TGFBR3: variants seen among roughly 807,000 people sequenced by gnomAD.
TGFBR3 encodes the protein transforming growth factor beta receptor type 3.
Under a neutral mutation model 87.9 loss-of-function variants are expected in TGFBR3, and 46 were observed. The ratio of observed to expected loss-of-function variants is 0.52; its 90% CI spans 0.41 to 0.67. TGFBR3 has a LOEUF of 0.67. Ranked by LOEUF, TGFBR3 falls within the 30% of genes least tolerant of loss-of-function variation. The probability of loss-of-function intolerance (pLI) is 0.00; values close to 1 mark genes in which losing one functional copy is unlikely to be tolerated. For missense variants in TGFBR3, 866 were observed against 1,041.9 expected (o/e 0.83, Z 2.32); for synonymous variants, 381 against 391.6 (o/e 0.97, Z 0.32).
chr1:91,885,182 C>T (rs1679245732), intron 1 of TGFBR3, among the ~76,000 whole-genome samples: 2 of 152,246 alleles, frequency 1.3e-5, no homozygotes, highest in African/African-American at 2.4e-5. Context: ...CTAAGTTCTA[C>T]TTTGCCAAGG....
chr1:91,682,161 C>T lies in TGFBR3; in HGVS notation c.*1578G>A, dbSNP rs1318937553. ...CACATACTTGTTTCCCATGTAGACA[C>T]TGCCCTAAGGTTTTAAGCTTCATCA... On this transcript the variant is annotated 3_prime_UTR_variant, in exon 17 of 17. Transcript: ENST00000212355. 2 of 453,920 alleles carry T rather than the reference C, an allele frequency of 4.4e-6. No homozygotes were observed. Among genetic ancestry groups the T allele is most frequent in the South Asian group, 3.1e-5 (2 of 64,474 alleles). 28.1% of individuals were successfully genotyped at this position (453,920 alleles called of 1,614,324 possible).
chr1:91,879,433 A>T (rs1364308740), intron 1 of TGFBR3, among the ~76,000 whole-genome samples: 1 of 152,124 alleles, frequency 6.6e-6, no homozygotes, highest in Non-Finnish European at 1.5e-5. Context: ...ACACCAAAAA[A>T]TTATCTTCAG....
intron 1 of TGFBR3, chr1:91,862,046 G>A (rs1678223589): frequency 1.1e-5 from 2 of 181,816 alleles, no homozygotes; most frequent in Non-Finnish European, 2.3e-5. Context: ...AGTAGAGATG[G>A]GGTTTCACCA....
intron 3 of TGFBR3, among the ~76,000 whole-genome samples, chr1:91,776,293 C>T (rs1048310174): frequency 6.6e-6 from 1 of 152,358 alleles, no homozygotes; most frequent in Middle Eastern, 3.4e-3. Context: ...GGGGTCAGGA[C>T]TGCCAGTGCC....
rs1354776209 is a variant in TGFBR3, at chr1:91,870,400, T to C, written c.-113-8756A>G. Among the ~76,000 whole-genome samples the C allele has an allele frequency of 3.3e-5, 5 of 152,220 alleles. No individual in the cohort carries two copies. The East Asian group carries it at 9.6e-4, about 29-fold the overall frequency. ...TACTCCGACCCTTTAATTTTACAGATTAGCAAACCAAAAATTAGAAAGGCT... is the reference window on the plus strand; with the variant it reads ...TACTCCGACCCTTTAATTTTACAGACTAGCAAACCAAAAATTAGAAAGGCT... On this transcript the variant is annotated intron_variant, in intron 1 of 16. Transcript: ENST00000212355.
chr1:91,804,779 A>G (rs1571528346), intron 2 of TGFBR3, among the ~76,000 whole-genome samples: 1 of 152,094 alleles, frequency 6.6e-6, no homozygotes, highest in South Asian at 2.1e-4. Context: ...GTAGGCCCTC[A>G]CCGGCAGCCT....
At chr1:91,732,575 A>T (rs985619396) in intron 5 of TGFBR3, among the ~76,000 whole-genome samples, 2 of 152,190 alleles carry the variant, frequency 1.3e-5, no homozygotes, top group African/African-American at 4.8e-5. Context: ...TGGGGGATGA[A>T]GCTTGCTCAG....
intron 2 of TGFBR3, among the ~76,000 whole-genome samples, chr1:91,825,978 C>CAAAA (rs59220803): frequency 5.5e-4 from 81 of 148,412 alleles, no homozygotes; most frequent in Middle Eastern, 3.5e-3. Flanking sequence ...GACCCCATCT[C>CAAAA]AAAAAAAAAA....
chr1:91,865,797 A>T (rs774475771), intron 1 of TGFBR3, among the ~76,000 whole-genome samples: 7 of 152,028 alleles, frequency 4.6e-5, no homozygotes, highest in Non-Finnish European at 2.9e-5. Context: ...CTGTAGTCCC[A>T]GCTACTCGGG....
intron 2 of TGFBR3, among the ~76,000 whole-genome samples, chr1:91,825,937 T>A (rs1676616374): frequency 6.7e-6 from 1 of 148,532 alleles, no homozygotes; most frequent in Non-Finnish European, 1.5e-5. Flanking sequence ...GCCCAGATAG[T>A]GCCATTGCAC....
chr1:91,753,027 A>C (rs1673605914), intron 4 of TGFBR3, among the ~76,000 whole-genome samples: 1 of 145,438 alleles, frequency 6.9e-6, no homozygotes, highest in Admixed American at 6.9e-5. Flanking sequence ...ACCCTCTCTC[A>C]AAAAAAAAAA....
intron 2 of TGFBR3, among the ~76,000 whole-genome samples, chr1:91,848,879 CAA>C (rs1301460450): frequency 1.1e-4 from 17 of 152,270 alleles, no homozygotes; most frequent in Middle Eastern, 3.4e-3. Context: ...ATTCACAACA[CAA>C]AGAGATTTTC....
upstream of TGFBR3, among the ~76,000 whole-genome samples, chr1:91,888,929 TG>T (rs555102225): frequency 6.6e-6 from 1 of 151,914 alleles, no homozygotes; most frequent in South Asian, 2.1e-4. Flanking sequence ...CTGCCGAGGC[TG>T]GAGTGCAGTG....
In TGFBR3 at chr1:91,682,316, T is replaced by G; in HGVS notation, c.*1423A>C. 2.2e-6 allele frequency: 1 copy of G among 453,968 alleles called. No homozygotes were observed. 28.1% of individuals were successfully genotyped at this position (453,968 alleles called of 1,614,324 possible). A position where few individuals can be genotyped will look rare whatever the true frequency, so the allele number is the denominator to read the frequency against. ...TTCTACTTATGGAATTCTAAGTTGT[T>G]TGGGGGAAATTCTGGAAAAAGAATA... On this transcript the variant is annotated 3_prime_UTR_variant, in exon 17 of 17. Transcript: ENST00000212355.
At chr1:91,701,245 G>C (rs1019545251) in intron 14 of TGFBR3, among the ~76,000 whole-genome samples, 14 of 151,964 alleles carry the variant, frequency 9.2e-5, no homozygotes, top group Admixed American at 5.9e-4. Flanking sequence ...AAGTCTCTTC[G>C]TGATTTCTGA....
In TGFBR3 at chr1:91,734,078, AAAAGAATG is replaced by A. The variant is rs1553163124; in HGVS notation, c.568+690_568+697del. On this transcript the variant is annotated intron_variant, in intron 5 of 16. Transcript: ENST00000212355. ...AGAGGGAGGGAGGGAGGGAGGGAGG[AAAAGAATG>A]AAAGAATGAAAGAATGAGAAAGAAA... Among the ~76,000 whole-genome samples, 142 of 58,030 alleles carry A rather than the reference AAAAGAATG, an allele frequency of 2.4e-3. 1 individual carries two copies. Among genetic ancestry groups the A allele is most frequent in the African/African-American group, 8.5e-3 (139 of 16,342 alleles). The allele number at this position is 58,030 out of a possible 152,430, so 38.1% of individuals were successfully genotyped here.
intron 14 of TGFBR3, among the ~76,000 whole-genome samples, 177 bp downstream of exon 14, chr1:91,708,486 T>C (rs1199162387): frequency 6.6e-6 from 1 of 152,206 alleles, no homozygotes; most frequent in Admixed American, 6.5e-5. Flanking sequence ...TAAGCCATAA[T>C]GGCTGTAAGA....
chr1:91,902,572 C>A (rs1391205725), intron 1 of TGFBR3, among the ~76,000 whole-genome samples: 1 of 151,946 alleles, frequency 6.6e-6, no homozygotes, highest in East Asian at 1.9e-4. Flanking sequence ...CATGAGCCAC[C>A]ACACCCAGCC....
In TGFBR3 at chr1:91,712,384, G is replaced by T. The variant is rs754787479; in HGVS notation, c.2025C>A (p.His675Gln). The change falls in exon 13 of 17, where the codon CAC becomes CAA. Residue 675 changes from histidine to glutamine, a missense_variant. By Grantham distance (24) the His-to-Gln change is conservative. Coordinates refer to ENST00000212355, the MANE Select transcript of TGFBR3 (RefSeq NM_003243.5). ...CCATGTCAGCTTGCGGGATAGGAAA[G>T]TGCACTCTCTTGGGACTGTAGAATT... ...SVKFYSPKRV[H>Q]FPIPQADMDK... 17 of 1,614,220 alleles carry T rather than the reference G, an allele frequency of 1.1e-5. 1 individual carries two copies. Among genetic ancestry groups the T allele is most frequent in the Non-Finnish European group, 1.4e-5 (16 of 1,180,024 alleles).
Sources: allele counts gnomAD v4.1 joint callset (sites outside exome capture counted in the v4.1 genomes callset), GRCh38; gene constraint gnomAD v4.1.1; transcripts MANE v1.5; gene names NCBI Gene and HGNC (gene_info 2026-07-23, HGNC 2026-07-21).